Variants in OSBPL10 observed in about 807,000 individuals in gnomAD.
OSBPL10 encodes the protein oxysterol-binding protein-related protein 10.
A neutral mutation model predicts 81.7 loss-of-function variants in OSBPL10; 49 were observed. That is an observed-to-expected ratio of 0.60 (90% CI 0.48 to 0.76). The LOEUF is 0.76. OSBPL10 is among the 30% of genes least tolerant of loss of function. The pLI, the probability that OSBPL10 is intolerant of heterozygous loss-of-function variation, is 0.00. For missense variants in OSBPL10, 923 were observed against 987.8 expected (o/e 0.93, Z 0.88); for synonymous variants, 419 against 383.6 (o/e 1.09, Z -1.08).
At chr3:31,662,374 C>A (rs572471943) in intron 11 of OSBPL10, 2 of 1,221,374 alleles carry the variant, frequency 1.6e-6, no homozygotes, top group Non-Finnish European at 2.0e-6. Flanking sequence ...TGGCTTCCAT[C>A]GAGACTGATT....
chr3:31,990,401 T>C, intron 2 of OSBPL10: 3 of 1,614,114 alleles, frequency 1.9e-6, no homozygotes, highest in Admixed American at 3.3e-5. Flanking sequence ...CGTTCATATC[T>C]CGTAGTTCAT....
At chr3:31,813,336 A>C (rs1022070679) in intron 4 of OSBPL10, among the ~76,000 whole-genome samples, 2 of 152,248 alleles carry the variant, frequency 1.3e-5, no homozygotes, top group African/African-American at 4.8e-5. Flanking sequence ...CACAGGGAAC[A>C]GCTCATGGCC....
intron 5 of OSBPL10, among the ~76,000 whole-genome samples, chr3:31,738,984 C>T (rs987566071): frequency 2.0e-5 from 3 of 151,998 alleles, no homozygotes; most frequent in African/African-American, 7.2e-5. Flanking sequence ...GGACTACAGT[C>T]AGGCAAGTAA....
intron 4 of OSBPL10, among the ~76,000 whole-genome samples, chr3:31,791,146 G>C (rs763684258): frequency 2.0e-5 from 3 of 152,118 alleles, no homozygotes; most frequent in Non-Finnish European, 4.4e-5. Flanking sequence ...TTTTAAAATA[G>C]AAGTGTCATT....
intron 4 of OSBPL10, among the ~76,000 whole-genome samples, chr3:31,765,602 G>A (rs1698172213): frequency 6.6e-6 from 1 of 152,150 alleles, no homozygotes; most frequent in Non-Finnish European, 1.5e-5. Flanking sequence ...AAGAAGATTG[G>A]TCTCAATGCC....
At chr3:31,919,013 C>CA (rs1696834776) in intron 1 of OSBPL10, among the ~76,000 whole-genome samples, 1 of 152,170 alleles carries the variant, frequency 6.6e-6, no homozygotes, top group South Asian at 2.1e-4. Flanking sequence ...CAACTGCCCC[C>CA]AGTCACACCC....
intron 1 of OSBPL10, among the ~76,000 whole-genome samples, chr3:32,070,290 C>G (rs1699819485): frequency 6.6e-6 from 1 of 152,200 alleles, no homozygotes; most frequent in Non-Finnish European, 1.5e-5. Flanking sequence ...CTACCCCACT[C>G]TGGTGCCAGC....
intron 1 of OSBPL10, among the ~76,000 whole-genome samples, chr3:31,891,788 A>G (rs1188378774): frequency 1.3e-5 from 2 of 152,198 alleles, no homozygotes; most frequent in Non-Finnish European, 2.9e-5. Context: ...CACTCTGGAT[A>G]AGTTTATTCA....
intron 2 of OSBPL10, among the ~76,000 whole-genome samples, chr3:31,997,653 A>T (rs944120190): frequency 3.9e-5 from 6 of 151,968 alleles, no homozygotes; most frequent in Non-Finnish European, 7.4e-5. Context: ...ACTTTCCTTT[A>T]TCAAATAGTC....
chr3:31,762,455 A>G (rs1274608430), intron 4 of OSBPL10, among the ~76,000 whole-genome samples: 1 of 151,704 alleles, frequency 6.6e-6, no homozygotes, highest in Non-Finnish European at 1.5e-5. Context: ...TCTTGGCCAC[A>G]AGCAAGGCTG....
Position 31,808,857 on chromosome 3 carries a change from T to C in OSBPL10, c.729+21183A>G, listed in dbSNP as rs938256578. Among the ~76,000 whole-genome samples the C allele has an allele frequency of 2.0e-5, 3 of 152,370 alleles. No homozygotes were observed. The East Asian group carries it at 5.8e-4, about 29-fold the overall frequency. ...TTTGTCTCTGTTTCATTTCCCACTG[T>C]ACTCCCAGAACTGGAATCTTGCCCA... On this transcript the variant is annotated intron_variant, in intron 4 of 11. Transcript: ENST00000396556.
Position 31,769,468 on chromosome 3 carries a change from A to C in OSBPL10, c.730-21348T>G, listed in dbSNP as rs868063194. On this transcript the variant is annotated intron_variant, in intron 4 of 11. Coordinates refer to ENST00000396556, the MANE Select transcript of OSBPL10 (RefSeq NM_017784.5). ...CTCAAAAAAAAAAAAACAAAAAAAA[A>C]ACAAAAAAAAACAGAATAAAAATAT... 3.5e-4 allele frequency among the ~76,000 whole-genome samples: 34 copies of C among 97,568 alleles called. 10 individuals carry two copies. In the East Asian group the frequency reaches 0.012, roughly 33 times the overall value. The allele number at this position is 97,568 out of a possible 152,430, so 64.0% of individuals were successfully genotyped here. A position where few individuals can be genotyped will look rare whatever the true frequency, so the allele number is the denominator to read the frequency against.
At chr3:31,933,495 C>G (rs1251297899) in intron 1 of OSBPL10, among the ~76,000 whole-genome samples, 1 of 151,886 alleles carries the variant, frequency 6.6e-6, no homozygotes, top group African/African-American at 2.4e-5. Flanking sequence ...GCCTCGATCT[C>G]CTGGGCTCAA....
intron 2 of OSBPL10, among the ~76,000 whole-genome samples, chr3:31,999,358 T>TC (rs1699121832): frequency 8.5e-6 from 1 of 117,558 alleles, no homozygotes. Context: ...AATATCAAAA[T>TC]CTTTTTTTTT....
At chr3:31,841,278 A>C (rs1700490474) in intron 3 of OSBPL10, among the ~76,000 whole-genome samples, 1 of 152,252 alleles carries the variant, frequency 6.6e-6, no homozygotes, top group Admixed American at 6.5e-5. Flanking sequence ...ATCCAGACAC[A>C]GGACTTGAGT....
intron 6 of OSBPL10, among the ~76,000 whole-genome samples, chr3:31,726,255 T>C (rs1445159419): frequency 1.3e-5 from 2 of 152,044 alleles, no homozygotes; most frequent in Non-Finnish European, 2.9e-5. Context: ...GGCTGTGAGA[T>C]AACAGGGGGA....
intron 3 of OSBPL10, among the ~76,000 whole-genome samples, chr3:31,865,599 T>C (rs2125606561): frequency 6.6e-6 from 1 of 152,326 alleles, no homozygotes; most frequent in Admixed American, 6.5e-5. Flanking sequence ...GATTAGGTCA[T>C]GAAAGAGCTC....
In OSBPL10 at chr3:31,830,106, G is replaced by C; in HGVS notation, c.663C>G (p.His221Gln). The C allele has an allele frequency of 6.2e-7, 1 of 1,614,110 alleles. No individual in the cohort carries two copies. The highest frequency in any genetic ancestry group is 1.7e-4 in the Middle Eastern group (1 of 6,056). ...CTCTTCGGGCGGCTGCAGGCGACTTGTGATGCGTGATTGTGACAACACCGG... is the reference window on the plus strand; with the variant it reads ...CTCTTCGGGCGGCTGCAGGCGACTTCTGATGCGTGATTGTGACAACACCGG... ...GAPGVVTITHHKSPAAARRAK... is the reference protein window; with the variant it reads ...GAPGVVTITHQKSPAAARRAK... The change falls in exon 4 of 12, where the codon CAC (histidine) becomes CAG (glutamine). Residue 221 changes from histidine (H) to glutamine (Q), a missense_variant. By Grantham distance (24) the His-to-Gln change is conservative. Around this residue, in one of 3 missense-constraint regions of OSBPL10, gnomAD observed 514 missense variants for 508.0 expected, o/e 1.01. Transcript: ENST00000396556.
At chr3:31,941,439 GAGTT>G (rs1228807698) in intron 1 of OSBPL10, among the ~76,000 whole-genome samples, 1 of 152,188 alleles carries the variant, frequency 6.6e-6, no homozygotes, top group Non-Finnish European at 1.5e-5. Flanking sequence ...GCAGAGGCAA[GAGTT>G]AGCCCAACAA....
Sources: gnomAD v4.1 joint callset for allele counts (sites outside exome capture counted in the v4.1 genomes callset) on GRCh38, gnomAD v4.1.1 for gene constraint, gnomAD v4.1.1 regional missense constraint, MANE v1.5 for transcripts, NCBI Gene and HGNC (gene_info 2026-07-23, HGNC 2026-07-21) for gene names.